Variants in DST observed in about 807,000 individuals in gnomAD.
DST encodes the protein dystonin.
In DST, 253 loss-of-function variants were observed where a neutral mutation model predicts 875.2. The observed-to-expected ratio is 0.29, with a 90% CI of 0.26 to 0.32. The LOEUF is 0.32. Ranked by LOEUF, DST falls within the 10% of genes least tolerant of loss-of-function variation. The pLI is 1.00. For synonymous variants in DST, 3,124 were observed against 3,197.1 expected (o/e 0.98, Z 0.77); for missense variants, 8,287 against 9,111.6 (o/e 0.91, Z 3.68).
chr6:56,782,965 C>T lies in DST; in HGVS notation c.626-47676G>A, dbSNP rs565301636. Reference sequence around the variant, plus strand: ...TTTCAAAGAACATCTTTATTACTGCCTTCATTTCGTTAGGTACCCAGTAGT... The same window carrying T: ...TTTCAAAGAACATCTTTATTACTGCTTTCATTTCGTTAGGTACCCAGTAGT... On this transcript the variant is annotated intron_variant, in intron 4 of 103. Transcript: ENST00000680361. Among the ~76,000 whole-genome samples the T allele has an allele frequency of 3.2e-4, 49 of 152,258 alleles. No individual in the cohort carries two copies. In the South Asian group the frequency reaches 3.5e-3, roughly 11 times the overall value.
chr6:56,890,696 C>T (rs1786970236), intron 3 of DST, among the ~76,000 whole-genome samples: 1 of 152,164 alleles, frequency 6.6e-6, no homozygotes, highest in African/African-American at 2.4e-5. Flanking sequence ...GCTAAGGATG[C>T]TAAAGTATTT....
chr6:56,890,271 GC>G (rs1786754476), intron 3 of DST, among the ~76,000 whole-genome samples: 1 of 152,192 alleles, frequency 6.6e-6, no homozygotes, highest in Non-Finnish European at 1.5e-5. Context: ...AGAGAACAAT[GC>G]CCATGTATTG....
chr6:56,516,222 G>A (rs1165535403), intron 71 of DST, among the ~76,000 whole-genome samples: 6 of 151,596 alleles, frequency 4.0e-5, no homozygotes, highest in African/African-American at 1.2e-4. Context: ...AGGAATCAAA[G>A]CAGAACATTT....
intron 4 of DST, among the ~76,000 whole-genome samples, chr6:56,736,681 T>C (rs1047627982): frequency 6.6e-6 from 1 of 152,234 alleles, no homozygotes; most frequent in Non-Finnish European, 1.5e-5. Flanking sequence ...CTAAAGTTTC[T>C]TTGAAAATGT....
At chr6:56,675,942 A>G (rs1384111677) in intron 9 of DST, among the ~76,000 whole-genome samples, 1 of 152,246 alleles carries the variant, frequency 6.6e-6, no homozygotes, top group East Asian at 1.9e-4. Context: ...CAAATGGCCA[A>G]CAGGTATATG....
chr6:56,929,112 A>G (rs757321489), intron 2 of DST, among the ~76,000 whole-genome samples: 1 of 152,178 alleles, frequency 6.6e-6, no homozygotes, highest in Non-Finnish European at 1.5e-5. Context: ...GGACTAGAAC[A>G]TATTATGAAG....
At chr6:56,795,981 T>C (rs2099739130) in intron 4 of DST, among the ~76,000 whole-genome samples, 1 of 152,142 alleles carries the variant, frequency 6.6e-6, no homozygotes, top group Non-Finnish European at 1.5e-5. Context: ...CAAAACAAGG[T>C]TGTAATCAAG....
At chr6:56,465,416 TA>T (rs1174586319) in intron 99 of DST, among the ~76,000 whole-genome samples, 1 of 152,176 alleles carries the variant, frequency 6.6e-6, no homozygotes, top group Non-Finnish European at 1.5e-5. Context: ...GGTACCTAAT[TA>T]GAAATTGCAA....
At position 56,612,780 on chromosome 6, in the gene DST, T is replaced by C. The variant is rs773512208; in HGVS notation, c.5059-1184A>G. Among the ~76,000 whole-genome samples the C allele has an allele frequency of 1.3e-5, 2 of 152,246 alleles. 1 individual carries two copies. The highest frequency in any genetic ancestry group is 1.3e-4 in the Admixed American group (2 of 15,288). The stretch of plus-strand genomic sequence containing the variant: ...TAGACAGTTATAATTAACGCCATTA[T>C]CTGCATTAAGAATGTATCTAGGGTA... On this transcript the variant is annotated intron_variant, in intron 37 of 103. Transcript: ENST00000680361.
At chr6:56,619,189 T>A (rs1322316945) in intron 36 of DST, 1 of 1,614,008 alleles carries the variant, frequency 6.2e-7, no homozygotes. Context: ...CTGCCTGAAT[T>A]TTCAGTGCTT....
intron 2 of DST, among the ~76,000 whole-genome samples, chr6:56,943,719 C>A (rs1817933519): frequency 1.3e-5 from 2 of 152,008 alleles, no homozygotes; most frequent in Admixed American, 1.3e-4. Flanking sequence ...AGGCATGAGC[C>A]ACCGCGCCCA....
intron 4 of DST, among the ~76,000 whole-genome samples, chr6:56,747,126 C>G (rs1033438895): frequency 6.6e-6 from 1 of 152,192 alleles, no homozygotes; most frequent in African/African-American, 2.4e-5. Flanking sequence ...CGTGAAGAGT[C>G]TCCTTGTTCA....
At chr6:56,944,627 G>A (rs1818477011) in intron 2 of DST, among the ~76,000 whole-genome samples, 2 of 152,128 alleles carry the variant, frequency 1.3e-5, no homozygotes, top group South Asian at 2.1e-4. Context: ...TGGTAGACTC[G>A]ACCTATCACA....
In DST at chr6:56,624,640, G is replaced by C. The variant is rs745412237; in HGVS notation, c.4831-12C>G. 6 of 1,556,098 alleles carry C rather than the reference G, an allele frequency of 3.9e-6. No homozygotes were observed. The South Asian group carries it at 5.6e-5, about 14-fold the overall frequency. The stretch of plus-strand genomic sequence containing the variant: ...CTTAGGTCCATGAACTGCAAGTAAG[G>C]AAAAAAATAATAAAAGCATTACCTC... On this transcript the variant is annotated splice_polypyrimidine_tract_variant and intron_variant, in intron 35 of 103. Coordinates refer to ENST00000680361, the MANE Select transcript of DST (RefSeq NM_001374736.1).
At chr6:56,692,601 G>GGCT in intron 9 of DST, 1 of 1,289,726 alleles carries the variant, frequency 7.8e-7, no homozygotes, top group South Asian at 1.2e-5. Context: ...AGCTTAAGCT[G>GGCT]GCTGCCTTTC....
At chr6:56,726,196 G>A (rs1400336256) in intron 5 of DST, among the ~76,000 whole-genome samples, 3 of 151,986 alleles carry the variant, frequency 2.0e-5, no homozygotes, top group Non-Finnish European at 2.9e-5. Flanking sequence ...TCCTCAGCAA[G>A]TCCAATTCCT....
At chr6:56,659,999 G>GCAAAAAAGCCA (rs2099030538) in intron 10 of DST, among the ~76,000 whole-genome samples, 1 of 152,100 alleles carries the variant, frequency 6.6e-6, no homozygotes, top group South Asian at 2.1e-4. Flanking sequence ...TAGCAAAAAA[G>GCAAAAAAGCCA]ACTTTCTACT....
At chr6:56,594,291 T>A in intron 47 of DST, 98 bp from the exon 48 acceptor site, 1 of 943,184 alleles carries the variant, frequency 1.1e-6, no homozygotes, top group Non-Finnish European at 1.5e-6. Context: ...TTCAATGATC[T>A]ACAGGGCTAC....
At chr6:56,637,797 A>G (rs1404001880) in intron 22 of DST, among the ~76,000 whole-genome samples, 1 of 152,090 alleles carries the variant, frequency 6.6e-6, no homozygotes, top group East Asian at 1.9e-4. Flanking sequence ...GACTATTTTA[A>G]GTAAGCCTGT....
Sources: allele counts gnomAD v4.1 joint callset (sites outside exome capture counted in the v4.1 genomes callset), GRCh38; gene constraint gnomAD v4.1.1; transcripts MANE v1.5; gene names NCBI Gene and HGNC (gene_info 2026-07-23, HGNC 2026-07-21).